The following PBLD variants were observed in gnomAD, a reference collection of about 807,000 sequenced individuals.
The protein encoded by PBLD is phenazine biosynthesis-like domain-containing protein.
In PBLD, 26 loss-of-function variants were observed where a neutral mutation model predicts 31.3. The ratio of observed to expected loss-of-function variants is 0.83; its 90% confidence interval spans 0.61 to 1.15. The LOEUF (loss-of-function observed/expected upper bound fraction) is 1.15. PBLD is among the 50% of genes most tolerant of loss of function. The pLI, the probability that PBLD is intolerant of heterozygous loss-of-function variation, is 0.00. For synonymous variants in PBLD, 114 were observed against 129.0 expected, an observed-to-expected ratio of 0.88 and a Z score of 0.79; for missense variants, 307 against 351.7, an observed-to-expected ratio of 0.87 and a Z score of 1.02.
intron 2 of PBLD, among the ~76,000 whole-genome samples, chr10:68,298,757 T>TACACACACAC (rs57358655): frequency 4.3e-4 from 64 of 147,276 alleles, no homozygotes; most frequent in African/African-American, 1.6e-3. Flanking sequence ...TGCATACGAA[T>TACACACACAC]ACACACACAC....
At chr10:68,290,455 C>T (rs2044344741) in intron 6 of PBLD, among the ~76,000 whole-genome samples, 1 of 152,150 alleles carries the variant, frequency 6.6e-6, no homozygotes, top group Admixed American at 6.5e-5. Context: ...CGGTGGCTCA[C>T]ACCTGTAATC....
chr10:68,290,306 T>TG (rs1244475190), intron 6 of PBLD, among the ~76,000 whole-genome samples: 1 of 152,216 alleles, frequency 6.6e-6, no homozygotes, highest in Non-Finnish European at 1.5e-5. Flanking sequence ...TCTGTGACTA[T>TG]GGGCTGACCA....
intron 1 of PBLD, among the ~76,000 whole-genome samples, chr10:68,309,208 C>A (rs540039395): frequency 8.7e-5 from 13 of 148,904 alleles, no homozygotes; most frequent in Admixed American, 8.2e-4. Flanking sequence ...GAGTTTGAGA[C>A]CACCCTGGCC....
At chr10:68,324,734 C>T (rs1435897537) in intron 1 of PBLD, among the ~76,000 whole-genome samples, 1 of 151,940 alleles carries the variant, frequency 6.6e-6, no homozygotes, top group African/African-American at 2.4e-5. Context: ...CCTGCCTCAG[C>T]CTCCCAAGTA....
At position 68,292,798 on chromosome 10, in the gene PBLD, C is replaced by G. The variant is rs368316289; in HGVS notation, c.284-560G>C. On this transcript the variant is annotated intron_variant, in intron 4 of 9. Transcript: ENST00000358769. ...ATGCTGGGATTACAGGCGTGAGCCA[C>G]CACACCTGGCCAGCCTCCTTAAATC... Among the ~76,000 whole-genome samples the G allele has an allele frequency of 1.1e-4, 16 of 152,212 alleles. No individual in the cohort carries two copies. In the East Asian group the frequency reaches 3.1e-3, roughly 29 times the overall value.
intron 1 of PBLD, among the ~76,000 whole-genome samples, chr10:68,325,046 C>T (rs1484269258): frequency 6.6e-6 from 1 of 152,002 alleles, no homozygotes; most frequent in Non-Finnish European, 1.5e-5. Context: ...GAGTTCAAGA[C>T]CAGCCTGGCC....
intron 1 of PBLD, among the ~76,000 whole-genome samples, chr10:68,330,539 AT>A (rs1377158225): frequency 6.6e-6 from 1 of 151,992 alleles, no homozygotes; most frequent in Non-Finnish European, 1.5e-5. Context: ...ACTTGCACTG[AT>A]TTTTTTGGGG....
rs10535286 is a variant in PBLD at position 68,303,055 on chromosome 10, A to ATTATTTATTTATTTAT, written c.84+3690_84+3705dup. Among the ~76,000 whole-genome samples the ATTATTTATTTATTTAT allele has an allele frequency of 1.3e-3, 199 of 149,684 alleles. 2 individuals are homozygous for ATTATTTATTTATTTAT. The highest frequency in any genetic ancestry group is 4.5e-3 in the African/African-American group (184 of 40,510). On this transcript the variant is annotated intron_variant, in intron 2 of 9. Coordinates refer to ENST00000358769, the MANE Select transcript of PBLD (RefSeq NM_022129.4). ...TGTCAGGCATCTGAGGACACCATCAATTATTTATTTATTTATTTATTTATT... is the reference window on the plus strand; with the variant it reads ...TGTCAGGCATCTGAGGACACCATCAATTATTTATTTATTTATTTATTTATTTATTTATTTATTTATT...
intron 2 of PBLD, among the ~76,000 whole-genome samples, chr10:68,305,323 G>C (rs1317921522): frequency 6.9e-6 from 1 of 144,308 alleles, no homozygotes; most frequent in Non-Finnish European, 1.5e-5. Context: ...GTGTTGGCCA[G>C]GTTGGACTCT....
intron 1 of PBLD, among the ~76,000 whole-genome samples, chr10:68,319,645 T>C (rs912005061): frequency 2.0e-5 from 3 of 151,804 alleles, no homozygotes; most frequent in Non-Finnish European, 2.9e-5. Flanking sequence ...CACTTGAACC[T>C]GGGAGGCGGA....
intron 9 of PBLD, chr10:68,285,060 T>C: frequency 7.9e-7 from 1 of 1,259,214 alleles, no homozygotes; most frequent in Non-Finnish European, 1.0e-6. Context: ...ACCCATCACA[T>C]TATAAATAAC....
chr10:68,288,238 T>C (rs1031432248), intron 8 of PBLD: 21 of 490,118 alleles, frequency 4.3e-5, no homozygotes, highest in African/African-American at 3.3e-4. Context: ...GGTCAAAAGC[T>C]AGGAAGCTAG....
rs1390965331 is a variant in PBLD, at chr10:68,296,252, G to T, written c.283+14C>A. 3.2e-6 allele frequency: 5 copies of T among 1,577,654 alleles called. No individual in the cohort carries two copies. The highest frequency in any genetic ancestry group is 3.5e-6 in the Non-Finnish European group (4 of 1,154,754). ...TTTGCTAAGTGTTAGATTCATTAAA[G>T]AAAATCACATTACTTATTTTGTGAA... On this transcript the variant is annotated intron_variant, in intron 4 of 9. Coordinates refer to ENST00000358769, the MANE Select transcript of PBLD (RefSeq NM_022129.4).
intron 2 of PBLD, chr10:68,297,280 G>A: frequency 2.5e-6 from 1 of 405,758 alleles, no homozygotes. Context: ...GACAGAGTGT[G>A]CTGTCTTCTA....
chr10:68,291,483 G>A (rs2044357661), intron 6 of PBLD, among the ~76,000 whole-genome samples: 1 of 151,946 alleles, frequency 6.6e-6, no homozygotes, highest in South Asian at 2.1e-4. Flanking sequence ...CTTTACTACA[G>A]AAACTGGGGA....
chr10:68,292,136 T>A lies in PBLD; in HGVS notation c.386A>T (p.His129Leu). Residue 129 changes from histidine (H) to leucine (L), a missense_variant, in exon 5 of 10, where the codon CAC becomes CTC. Coordinates refer to ENST00000358769, the MANE Select transcript of PBLD (RefSeq NM_022129.4). Reference protein sequence around the residue: ...IVLDLPLYPAHPQDFHEVEDL... With the variant: ...IVLDLPLYPALPQDFHEVEDL... ...TAATTACAAAGAGCTGACCTGGGGGTGGGCTGGATAAAGAGGCAAGTCCAG... is the reference window on the plus strand; with the variant it reads ...TAATTACAAAGAGCTGACCTGGGGGAGGGCTGGATAAAGAGGCAAGTCCAG... 6.2e-7 allele frequency: 1 copy of A among 1,612,932 alleles called. No homozygotes were observed. Among genetic ancestry groups the A allele is most frequent in the Admixed American group, 1.7e-5 (1 of 59,958 alleles).
intron 3 of PBLD, 43 bp downstream of exon 3, chr10:68,296,843 C>T (rs2394470): frequency 0.84 from 1,254,590 of 1,500,558 alleles, 527,334 homozygotes; most frequent in Non-Finnish European, 0.86. Flanking sequence ...CACTCCAGCC[C>T]GTGCGACAGA....
intron 1 of PBLD, chr10:68,332,133 A>G (rs1381560144): frequency 6.6e-6 from 1 of 152,280 alleles, no homozygotes; most frequent in East Asian, 1.9e-4. Flanking sequence ...CGTTGTGGCG[A>G]GCGCTACACG....
chr10:68,315,063 C>A (rs2134507918), intron 1 of PBLD, among the ~76,000 whole-genome samples: 1 of 152,106 alleles, frequency 6.6e-6, no homozygotes, highest in Middle Eastern at 3.4e-3. Context: ...GTGCTGGGAT[C>A]ACAGGTGTGA....
Sources: allele counts gnomAD v4.1 joint callset (sites outside exome capture counted in the v4.1 genomes callset), GRCh38; gene constraint gnomAD v4.1.1; transcripts MANE v1.5; gene names NCBI Gene and HGNC (gene_info 2026-07-23, HGNC 2026-07-21).